The following ARMC2 variants were observed in gnomAD, a reference collection of about 807,000 sequenced individuals.
The protein encoded by ARMC2 is armadillo repeat-containing protein 2.
Under a neutral mutation model 90.3 loss-of-function variants are expected in ARMC2, and 67 were observed. The ratio of observed to expected loss-of-function variants is 0.74; its 90% CI spans 0.61 to 0.91. The LOEUF is 0.91. ARMC2 is among the 40% of genes least tolerant of loss of function. The pLI, the probability that ARMC2 is intolerant of heterozygous loss-of-function variation, is 0.00. For missense variants in ARMC2, 920 were observed against 1,030.9 expected, an observed-to-expected ratio of 0.89 and a Z score of 1.47; for synonymous variants, 393 against 393.0, an observed-to-expected ratio of 1.00 and a Z score of 0.00.
intron 4 of ARMC2, among the ~76,000 whole-genome samples, chr6:108,873,551 CA>C (rs1279890301): frequency 1.3e-5 from 2 of 152,090 alleles, no homozygotes; most frequent in African/African-American, 4.8e-5. Context: ...TTGCTGGGCC[CA>C]ATGCTGAATG....
chr6:108,914,795 A>G (rs1773782949), intron 10 of ARMC2, among the ~76,000 whole-genome samples: 1 of 152,164 alleles, frequency 6.6e-6, no homozygotes, highest in Non-Finnish European at 1.5e-5. Context: ...CTTCACTCCA[A>G]GAGCAGATGA....
intron 5 of ARMC2, 69 bp downstream of exon 5, chr6:108,876,419 T>C: frequency 6.8e-7 from 1 of 1,460,148 alleles, no homozygotes; most frequent in Non-Finnish European, 9.3e-7. Flanking sequence ...TTCTCTATTT[T>C]ATATAGATGA....
chr6:108,901,807 T>C (rs1405840103), intron 7 of ARMC2, among the ~76,000 whole-genome samples: 1 of 152,244 alleles, frequency 6.6e-6, no homozygotes. Flanking sequence ...TTTGCCAATT[T>C]GTCCCAATAA....
At chr6:108,856,418 C>T in intron 2 of ARMC2, 1 of 199,698 alleles carries the variant, frequency 5.0e-6, no homozygotes, top group Admixed American at 4.5e-5. Flanking sequence ...AGTCCTACCA[C>T]ACAACTACAA....
chr6:108,955,577 G>C (rs1031574676), intron 13 of ARMC2, among the ~76,000 whole-genome samples: 2 of 152,112 alleles, frequency 1.3e-5, no homozygotes, highest in African/African-American at 4.8e-5. Flanking sequence ...TCCACATCAC[G>C]TGTCACCTGT....
At chr6:108,899,193 C>T (rs1185937288) in intron 6 of ARMC2, among the ~76,000 whole-genome samples, 2 of 152,172 alleles carry the variant, frequency 1.3e-5, no homozygotes, top group East Asian at 3.9e-4. Flanking sequence ...AAGGCCCAGG[C>T]TTTTCTGCTA....
At chr6:108,889,607 T>C (rs1770740901) in intron 5 of ARMC2, among the ~76,000 whole-genome samples, 2 of 151,722 alleles carry the variant, frequency 1.3e-5, no homozygotes, top group South Asian at 2.1e-4. Flanking sequence ...TGCTAGATAG[T>C]TTTAAAATTT....
intron 11 of ARMC2, among the ~76,000 whole-genome samples, chr6:108,930,091 G>A (rs934685799): frequency 2.1e-4 from 32 of 150,280 alleles, no homozygotes; most frequent in African/African-American, 2.7e-4. Context: ...AGTGCCACTT[G>A]CACTCCAGCC....
intron 6 of ARMC2, among the ~76,000 whole-genome samples, chr6:108,896,922 G>A (rs1410001121): frequency 6.6e-6 from 1 of 152,024 alleles, no homozygotes; most frequent in Non-Finnish European, 1.5e-5. Flanking sequence ...CTTATTTTCT[G>A]GCTTTCACTT....
At chr6:108,949,384 C>T (rs1777025264) in intron 12 of ARMC2, among the ~76,000 whole-genome samples, 1 of 152,202 alleles carries the variant, frequency 6.6e-6, no homozygotes, top group South Asian at 2.1e-4. Context: ...ATGCTTAGGA[C>T]AATGCCTGGC....
At chr6:108,918,903 T>C (rs903979127) in intron 10 of ARMC2, among the ~76,000 whole-genome samples, 4 of 152,240 alleles carry the variant, frequency 2.6e-5, no homozygotes, top group African/African-American at 9.6e-5. Flanking sequence ...AGAGCAATTA[T>C]TTCTGATGGG....
At chr6:109,032,226 A>C in the ARMC2 span, among the ~76,000 whole-genome samples, 29,789 of 151,696 alleles carry the variant, frequency 0.2, 3,573 homozygotes, top group African/African-American at 0.33. Flanking sequence ...GAGCTGAGAT[A>C]ATGCCATTGC....
the ARMC2 span, among the ~76,000 whole-genome samples, chr6:108,981,011 A>G: frequency 3.3e-5 from 5 of 152,232 alleles, no homozygotes; most frequent in Admixed American, 1.3e-4. Context: ...CACTCGCCTT[A>G]TTGTAGTCCA....
At chr6:108,962,491 C>T (rs1040257380) in intron 15 of ARMC2, among the ~76,000 whole-genome samples, 25 of 152,164 alleles carry the variant, frequency 1.6e-4, no homozygotes, top group African/African-American at 6.0e-4. Flanking sequence ...TGTTCCTCAA[C>T]AGAGAAGAGG....
rs1173637475 is a variant in ARMC2, at chr6:108,901,098, ATTTTTTTTTTTTTTTTTT to A, written c.847+1326_847+1343del. Among the ~76,000 whole-genome samples, 135 of 59,368 alleles carry A rather than the reference ATTTTTTTTTTTTTTTTTT, an allele frequency of 2.3e-3. 1 individual carries two copies. Among genetic ancestry groups the A allele is most frequent in the African/African-American group, 8.6e-3 (123 of 14,246 alleles). 38.9% of individuals were successfully genotyped at this position (59,368 alleles called of 152,430 possible). On this transcript the variant is annotated intron_variant, in intron 7 of 17. Coordinates refer to ENST00000392644, the MANE Select transcript of ARMC2 (RefSeq NM_032131.6). ...GAAGCCTTCCTACAGGAAAGAAGGA[ATTTTTTTTTTTTTTTTTT>A]TTTTTTTTTTTTTTTTTTTGAGACA...
chr6:108,908,084 TGCACA>T (rs1772975731), intron 8 of ARMC2, among the ~76,000 whole-genome samples: 1 of 152,180 alleles, frequency 6.6e-6, no homozygotes, highest in Non-Finnish European at 1.5e-5. Context: ...GACTTCACTG[TGCACA>T]TGCATCCCCT....
rs763289058 is a variant in ARMC2 at position 108,973,479 on chromosome 6, AC to A, written c.2571del (p.Phe858SerfsTer28). Reference sequence around the variant, plus strand: ...TCTAAACCGAATTCAGAGACATCACACCTTCCTGGAACCCCTGCCCATTCCC... The same window carrying A: ...TCTAAACCGAATTCAGAGACATCACACTTCCTGGAACCCCTGCCCATTCCC... ...QLLNRIQRHH[T>X]FLEPLPIPSF On this transcript the variant is annotated frameshift_variant, in exon 18 of 18. Coordinates refer to ENST00000392644, the MANE Select transcript of ARMC2 (RefSeq NM_032131.6). LOFTEE classifies it high-confidence loss of function. 1.5e-5 allele frequency: 24 copies of A among 1,613,674 alleles called. No individual in the cohort carries two copies.
At chr6:108,993,972 T>C in the ARMC2 span, among the ~76,000 whole-genome samples, 1 of 151,658 alleles carries the variant, frequency 6.6e-6, no homozygotes, top group African/African-American at 2.4e-5. Flanking sequence ...ACCCCATCTC[T>C]ACAAAAAAAA....
chr6:108,964,213 A>G lies in ARMC2; in HGVS notation c.2186A>G (p.Gln729Arg). Residue 729 changes from glutamine (Q) to arginine (R), a missense_variant, in exon 16 of 18, where the codon CAG becomes CGG. Coordinates refer to ENST00000392644, the MANE Select transcript of ARMC2 (RefSeq NM_032131.6). Reference protein sequence around the residue: ...HRFMMALLDAQHQDICFSACG... With the variant: ...HRFMMALLDARHQDICFSACG... ...TTCATGATGGCGCTGCTGGATGCTC[A>G]GCATCAGGATATCTGCTTTTCTGCC... 6.2e-7 allele frequency: 1 copy of G among 1,613,980 alleles called. No individual in the cohort carries two copies. Among genetic ancestry groups the G allele is most frequent in the Non-Finnish European group, 8.5e-7 (1 of 1,179,872 alleles).
Sources: gnomAD v4.1 joint callset for allele counts (sites outside exome capture counted in the v4.1 genomes callset) on GRCh38, gnomAD v4.1.1 for gene constraint, MANE v1.5 for transcripts, NCBI Gene and HGNC (gene_info 2026-07-23, HGNC 2026-07-21) for gene names.